The following ERBB4 variants were observed in gnomAD, a reference collection of about 807,000 sequenced individuals.
ERBB4 encodes erb-b2 receptor tyrosine kinase 4.
A neutral mutation model predicts 158.0 loss-of-function variants in ERBB4; 42 were observed. That is an observed-to-expected ratio of 0.27 (90% CI 0.21 to 0.34). ERBB4 has a LOEUF of 0.34. ERBB4 is among the 10% of genes least tolerant of loss of function. The probability of loss-of-function intolerance (pLI) is 1.00; values close to 1 mark genes in which losing one functional copy is unlikely to be tolerated. For synonymous variants in ERBB4, 583 were observed against 558.7 expected (o/e 1.04, Z -0.61); for missense variants, 1,333 against 1,624.1 (o/e 0.82, Z 3.08).
Position 211,673,171 on chromosome 2 carries a change from T to C in ERBB4, c.1709A>G (p.His570Arg), listed in dbSNP as rs147639134. ...EKMEDGLLTCHGPGPDNCTKC... is the reference protein window; with the variant it reads ...EKMEDGLLTCRGPGPDNCTKC... ...AGATGTCTTCAGGCTTACCGGTCCA[T>C]GGCATGTGAGGAGGCCATCTTCCAT... The change falls in exon 14 of 28, where the codon CAT becomes CGT. Residue 570 changes from histidine (H) to arginine (R), a missense_variant. Physicochemically the swap from His to Arg is conservative, Grantham distance 29. Around this residue, in one of 5 missense-constraint regions of ERBB4, gnomAD observed 245 missense variants for 247.5 expected, o/e 0.99. Coordinates refer to ENST00000342788, the MANE Select transcript of ERBB4 (RefSeq NM_005235.3). The C allele has an allele frequency of 2.5e-5, 41 of 1,610,946 alleles. No homozygotes were observed. The Middle Eastern group carries it at 6.6e-4, about 26-fold the overall frequency.
At chr2:211,692,848 C>T (rs1203921274) in intron 12 of ERBB4, among the ~76,000 whole-genome samples, 1 of 151,868 alleles carries the variant, frequency 6.6e-6, no homozygotes, top group African/African-American at 2.4e-5. Context: ...GGCCATCATT[C>T]AGTCTTTCAT....
rs2062683056 is a variant in ERBB4, at chr2:211,386,271, A to T, written c.3481+582T>A. Among the ~76,000 whole-genome samples, 3 of 152,218 alleles carry T rather than the reference A, an allele frequency of 2.0e-5. No homozygotes were observed. In the South Asian group the frequency reaches 6.2e-4, roughly 31 times the overall value. ...ATTGTTATGCTTTGTAAAACCACAGATTATTATTTTCAAATCTTGGTGGTA... is the reference window on the plus strand; with the variant it reads ...ATTGTTATGCTTTGTAAAACCACAGTTTATTATTTTCAAATCTTGGTGGTA... On this transcript the variant is annotated intron_variant, in intron 27 of 27. Transcript: ENST00000342788.
At chr2:211,699,550 G>C (rs2073155512) in intron 12 of ERBB4, among the ~76,000 whole-genome samples, 1 of 151,982 alleles carries the variant, frequency 6.6e-6, no homozygotes, top group Non-Finnish European at 1.5e-5. Flanking sequence ...TCCAAATTTT[G>C]ATAAATGAAT....
intron 2 of ERBB4, among the ~76,000 whole-genome samples, chr2:212,118,530 G>A (rs1196656010): frequency 4.1e-5 from 6 of 147,562 alleles, no homozygotes; most frequent in East Asian, 1.9e-4. Context: ...TATGTCTTAC[G>A]AAGAGTAGTT....
chr2:212,187,646 T>C (rs991275894), intron 1 of ERBB4, among the ~76,000 whole-genome samples: 2 of 152,102 alleles, frequency 1.3e-5, no homozygotes, highest in Admixed American at 6.6e-5. Context: ...AATACTGAAT[T>C]TGTTACTAAT....
intron 3 of ERBB4, among the ~76,000 whole-genome samples, chr2:211,802,497 T>C (rs1208431441): frequency 2.6e-5 from 4 of 152,192 alleles, no homozygotes; most frequent in Non-Finnish European, 4.4e-5. Flanking sequence ...AACAAACATC[T>C]TGAAGAATTG....
At chr2:212,105,295 G>A (rs2079192059) in intron 2 of ERBB4, among the ~76,000 whole-genome samples, 1 of 152,190 alleles carries the variant, frequency 6.6e-6, no homozygotes, top group Non-Finnish European at 1.5e-5. Flanking sequence ...TTTCCAAAGA[G>A]TGGTATTCAA....
At chr2:211,962,377 T>G (rs2081202357) in intron 2 of ERBB4, among the ~76,000 whole-genome samples, 1 of 152,176 alleles carries the variant, frequency 6.6e-6, no homozygotes, top group South Asian at 2.1e-4. Flanking sequence ...TTTGCACAAT[T>G]TAGGCAGAGA....
chr2:212,253,766 A>G (rs2084626158), intron 1 of ERBB4, among the ~76,000 whole-genome samples: 1 of 152,168 alleles, frequency 6.6e-6, no homozygotes, highest in African/African-American at 2.4e-5. Context: ...TATGCCAGTT[A>G]ATGAAGGGGA....
In ERBB4 at chr2:211,673,233, G is replaced by T. The variant is rs2071913895; in HGVS notation, c.1647C>A (p.Gly549=). The T allele has an allele frequency of 3.1e-6, 5 of 1,613,636 alleles. No homozygotes were observed. The highest frequency in any genetic ancestry group is 1.6e-4 in the Middle Eastern group (1 of 6,062). ...GGGGGTCACACTCCACACAGATGGA[G>T]CCATTCTCAAACTCCCGAAATTCAC... ...YDGEFREFEN[G]SICVECDPQC... Residue 549 remains glycine (G), a synonymous_variant, in exon 14 of 28, where the codon GGC becomes GGA. Coordinates refer to ENST00000342788, the MANE Select transcript of ERBB4 (RefSeq NM_005235.3).
intron 1 of ERBB4, among the ~76,000 whole-genome samples, chr2:212,284,138 G>A (rs973570094): frequency 1.3e-5 from 2 of 151,992 alleles, no homozygotes; most frequent in South Asian, 2.1e-4. Context: ...TTTATTCAAC[G>A]TAATATTATC....
At chr2:212,075,356 G>T (rs1283474900) in intron 2 of ERBB4, among the ~76,000 whole-genome samples, 1 of 151,896 alleles carries the variant, frequency 6.6e-6, no homozygotes, top group East Asian at 1.9e-4. Context: ...TTTAATACAT[G>T]CAATGTAATG....
At chr2:211,595,760 A>G (rs917852491) in intron 19 of ERBB4, among the ~76,000 whole-genome samples, 3 of 152,194 alleles carry the variant, frequency 2.0e-5, no homozygotes, top group Non-Finnish European at 2.9e-5. Context: ...TGCAACTAGT[A>G]CTGCAATATA....
intron 2 of ERBB4, among the ~76,000 whole-genome samples, chr2:211,966,936 T>C (rs1361325342): frequency 1.3e-5 from 2 of 152,132 alleles, no homozygotes; most frequent in Non-Finnish European, 2.9e-5. Context: ...AGAGAATATG[T>C]ATCTCTTTTT....
At chr2:212,060,217 C>G (rs1261723544) in intron 2 of ERBB4, among the ~76,000 whole-genome samples, 1 of 152,160 alleles carries the variant, frequency 6.6e-6, no homozygotes, top group East Asian at 1.9e-4. Context: ...AAATGCTCAT[C>G]ATGACTGGCC....
chr2:212,520,772 G>A (rs937002646), intron 1 of ERBB4, among the ~76,000 whole-genome samples: 5 of 151,946 alleles, frequency 3.3e-5, no homozygotes, highest in Non-Finnish European at 5.9e-5. Flanking sequence ...AAAAAAGCAA[G>A]CACTCAACTG....
intron 14 of ERBB4, 37 bp from the exon 15 acceptor site, chr2:211,665,514 A>C: frequency 6.2e-7 from 1 of 1,603,042 alleles, no homozygotes; most frequent in Non-Finnish European, 8.5e-7. Context: ...AAAAAAGAAA[A>C]GTGGTGTCAT....
chr2:211,393,740 CGTGTGT>C (rs58472959), intron 25 of ERBB4, among the ~76,000 whole-genome samples: 13,316 of 146,084 alleles, frequency 0.091, 621 homozygotes, highest in Middle Eastern at 0.1. Context: ...GAGTTAATAG[CGTGTGT>C]GTGTGTGTGT....
Position 211,773,633 on chromosome 2 carries a change from T to TATATATATATATA in ERBB4, c.556+14379_556+14391dup, listed in dbSNP as rs1553630516. ...ATATATATATATATATATATATATATATATATATATATATAATATATATAC... is the reference window on the plus strand; with the variant it reads ...ATATATATATATATATATATATATATATATATATATATAATATATATATATATAATATATATAC... On this transcript the variant is annotated intron_variant, in intron 4 of 27. Transcript: ENST00000342788. Among the ~76,000 whole-genome samples, 28 of 102,790 alleles carry TATATATATATATA rather than the reference T, an allele frequency of 2.7e-4. 1 individual carries two copies. Among genetic ancestry groups the TATATATATATATA allele is most frequent in the African/African-American group, 1.2e-3 (27 of 21,940 alleles). 67.4% of individuals were successfully genotyped at this position (102,790 alleles called of 152,430 possible).
Sources: allele counts gnomAD v4.1 joint callset (sites outside exome capture counted in the v4.1 genomes callset), GRCh38; gene constraint gnomAD v4.1.1; regional missense constraint gnomAD v4.1.1; transcripts MANE v1.5; gene names NCBI Gene and HGNC (gene_info 2026-07-23, HGNC 2026-07-21).